The following CNTNAP2 variants were observed in gnomAD, a reference collection of about 807,000 sequenced individuals.
CNTNAP2 encodes the protein contactin-associated protein-like 2.
A neutral mutation model predicts 155.2 loss-of-function variants in CNTNAP2; 98 were observed. That is an observed-to-expected ratio of 0.63 (90% CI 0.54 to 0.75). The LOEUF is 0.75. CNTNAP2 is among the 30% of genes least tolerant of loss of function. The probability of loss-of-function intolerance (pLI) is 0.00; values close to 1 mark genes in which losing one functional copy is unlikely to be tolerated. For missense variants in CNTNAP2, 1,727 were observed against 1,688.1 expected (o/e 1.02, Z -0.40); for synonymous variants, 651 against 631.2 (o/e 1.03, Z -0.47).
intron 14 of CNTNAP2, among the ~76,000 whole-genome samples, chr7:147,977,223 A>G (rs1172555726): frequency 2.0e-5 from 3 of 152,208 alleles, no homozygotes; most frequent in Non-Finnish European, 4.4e-5. Flanking sequence ...GAGACCTGAA[A>G]CAAGATAAAT....
At chr7:146,860,728 G>GAGA (rs1795082227) in intron 3 of CNTNAP2, among the ~76,000 whole-genome samples, 1 of 151,070 alleles carries the variant, frequency 6.6e-6, no homozygotes, top group Non-Finnish European at 1.5e-5. Context: ...TCAAATGATT[G>GAGA]AAAAAAAATT....
intron 10 of CNTNAP2, among the ~76,000 whole-genome samples, chr7:147,457,560 G>GTT (rs66790316): frequency 9.9e-4 from 150 of 150,848 alleles, no homozygotes; most frequent in Non-Finnish European, 1.8e-3. Flanking sequence ...GATATGAGAG[G>GTT]TTTTTTTTCC....
chr7:147,486,916 T>TGTGTGTGTGTGTGTGTGTGTGG (rs56367818), intron 11 of CNTNAP2, among the ~76,000 whole-genome samples: 1 of 148,210 alleles, frequency 6.7e-6, no homozygotes, highest in Non-Finnish European at 1.5e-5. Flanking sequence ...TGTGTGTGTG[T>TGTGTGTGTGTGTGTGTGTGTGG]AGGGAAGGAA....
At chr7:148,301,534 A>G (rs1283485346) in intron 21 of CNTNAP2, among the ~76,000 whole-genome samples, 3 of 152,022 alleles carry the variant, frequency 2.0e-5, no homozygotes, top group Admixed American at 2.0e-4. Context: ...CAAGTTGGAG[A>G]GATGAAATGC....
At chr7:146,627,497 G>C (rs759486181) in intron 1 of CNTNAP2, among the ~76,000 whole-genome samples, 4 of 152,054 alleles carry the variant, frequency 2.6e-5, no homozygotes, top group Non-Finnish European at 5.9e-5. Context: ...CCAAATCAAA[G>C]TTTAGAATAT....
At chr7:146,546,534 C>A (rs1355364459) in intron 1 of CNTNAP2, among the ~76,000 whole-genome samples, 1 of 151,788 alleles carries the variant, frequency 6.6e-6, no homozygotes, top group Non-Finnish European at 1.5e-5. Context: ...GAGCTGCCTC[C>A]CCTTCTATTC....
At chr7:148,101,358 T>A (rs1366963369) in intron 15 of CNTNAP2, among the ~76,000 whole-genome samples, 26 of 98,542 alleles carry the variant, frequency 2.6e-4, no homozygotes, top group African/African-American at 7.2e-4. Context: ...TCAGTGTGTG[T>A]GTGTGTGTGT....
chr7:146,857,710 G>T (rs2129204505), intron 3 of CNTNAP2, among the ~76,000 whole-genome samples: 1 of 152,126 alleles, frequency 6.6e-6, no homozygotes, highest in Non-Finnish European at 1.5e-5. Context: ...GGAGCACGTG[G>T]AATATAAGAA....
chr7:147,048,100 AGTCTCGCTCT>A (rs1034762115), intron 4 of CNTNAP2, among the ~76,000 whole-genome samples: 2 of 110,924 alleles, frequency 1.8e-5, no homozygotes, highest in Non-Finnish European at 3.4e-5. Context: ...TTTGAGATGG[AGTCTCGCTCT>A]GTTGCTCAGG....
chr7:146,790,939 A>G (rs1346070911), intron 2 of CNTNAP2, among the ~76,000 whole-genome samples: 4 of 150,520 alleles, frequency 2.7e-5, no homozygotes, highest in Non-Finnish European at 5.9e-5. Context: ...TTTTTTTTTA[A>G]CTTTAAGTTC....
chr7:148,069,952 T>C (rs1366234483), intron 15 of CNTNAP2, among the ~76,000 whole-genome samples: 1 of 152,188 alleles, frequency 6.6e-6, no homozygotes, highest in Non-Finnish European at 1.5e-5. Context: ...ATTTTACATA[T>C]GTGGATGTAT....
At chr7:148,237,811 C>T (rs891640598) in intron 20 of CNTNAP2, among the ~76,000 whole-genome samples, 5 of 152,066 alleles carry the variant, frequency 3.3e-5, no homozygotes, top group African/African-American at 7.2e-5. Context: ...CATTGGTGGC[C>T]GGGGGAGCCC....
intron 22 of CNTNAP2, among the ~76,000 whole-genome samples, chr7:148,403,039 A>C (rs1799625464): frequency 6.6e-6 from 1 of 151,656 alleles, no homozygotes; most frequent in East Asian, 1.9e-4. Context: ...AAAAAAAAAA[A>C]AACTTTACTC....
intron 8 of CNTNAP2, among the ~76,000 whole-genome samples, chr7:147,255,913 G>A (rs892248697): frequency 2.0e-5 from 3 of 151,720 alleles, no homozygotes; most frequent in Non-Finnish European, 2.9e-5. Context: ...AACTTTTTTT[G>A]TATTTTTAGT....
At chr7:147,611,477 A>C (rs1056825997) in intron 12 of CNTNAP2, among the ~76,000 whole-genome samples, 1 of 152,170 alleles carries the variant, frequency 6.6e-6, no homozygotes, top group Non-Finnish European at 1.5e-5. Flanking sequence ...TCTACAATGG[A>C]ATAAAAACAT....
At chr7:146,622,271 CTATCTATCTA>C (rs1186065181) in intron 1 of CNTNAP2, among the ~76,000 whole-genome samples, 8 of 77,958 alleles carry the variant, frequency 1.0e-4, no homozygotes, top group Middle Eastern at 6.9e-3. Flanking sequence ...ATCTATCTAT[CTATCTATCTA>C]TATATATATA....
chr7:147,985,904 G>A (rs149231684), intron 15 of CNTNAP2, among the ~76,000 whole-genome samples: 1 of 152,264 alleles, frequency 6.6e-6, no homozygotes, highest in Non-Finnish European at 1.5e-5. Context: ...CTGGGGCTTT[G>A]GAGTTCTCTA....
chr7:146,861,683 A>G (rs1238270914), intron 3 of CNTNAP2, among the ~76,000 whole-genome samples: 1 of 152,158 alleles, frequency 6.6e-6, no homozygotes, highest in Non-Finnish European at 1.5e-5. Flanking sequence ...GTCTACAAAC[A>G]TAAACTGCTT....
intron 1 of CNTNAP2, among the ~76,000 whole-genome samples, chr7:146,540,216 T>C (rs1159757725): frequency 6.6e-6 from 1 of 152,134 alleles, no homozygotes; most frequent in Non-Finnish European, 1.5e-5. Context: ...AGTTAAATTA[T>C]CTTTATTGGA....
Sources: allele counts gnomAD v4.1 joint callset (sites outside exome capture counted in the v4.1 genomes callset), GRCh38; gene constraint gnomAD v4.1.1; transcripts MANE v1.5; gene names NCBI Gene and HGNC (gene_info 2026-07-23, HGNC 2026-07-21).